Variants in SESN1 observed in about 807,000 individuals in gnomAD.
SESN1 encodes sestrin-1.
Under a neutral mutation model 59.3 loss-of-function variants are expected in SESN1, and 30 were observed. The observed-to-expected ratio is 0.51, with a 90% CI of 0.38 to 0.69. SESN1 has a LOEUF of 0.69. Among genes scored for constraint, SESN1 ranks in the 30% least tolerant of loss-of-function variants. The pLI is 0.00. For missense variants in SESN1, 566 were observed against 673.0 expected, an observed-to-expected ratio of 0.84 and a Z score of 1.76; for synonymous variants, 197 against 219.9, an observed-to-expected ratio of 0.90 and a Z score of 0.92.
intron 2 of SESN1, 149 bp downstream of exon 2, chr6:109,002,127 CCA>C (rs917328896): frequency 1.6e-6 from 1 of 613,114 alleles, no homozygotes; most frequent in African/African-American, 1.9e-5. Context: ...CTTTTTATTC[CCA>C]CAGATTCACT....
intron 1 of SESN1, among the ~76,000 whole-genome samples, chr6:109,006,974 T>C (rs1318435677): frequency 6.6e-6 from 1 of 152,206 alleles, no homozygotes; most frequent in Non-Finnish European, 1.5e-5. Context: ...CACCAACAAA[T>C]GGCCTTGTTG....
chr6:109,021,685 G>A lies in SESN1; in HGVS notation c.280-19342C>T, dbSNP rs566666706. On this transcript the variant is annotated intron_variant, in intron 1 of 9. Coordinates refer to ENST00000436639, the MANE Select transcript of SESN1 (RefSeq NM_014454.3). ...TCGAACTCCTGACCTCAAGTGATCC[G>A]CCCGCCTTGGCCTCCTACTGGGATT... Among the ~76,000 whole-genome samples the A allele has an allele frequency of 5.9e-5, 9 of 151,992 alleles. No homozygotes were observed. In the South Asian group the frequency reaches 1.5e-3, roughly 25 times the overall value.
intron 1 of SESN1, among the ~76,000 whole-genome samples, chr6:109,032,626 A>T (rs1305457606): frequency 7.1e-6 from 1 of 141,452 alleles, no homozygotes; most frequent in Non-Finnish European, 1.5e-5. Flanking sequence ...TCGTGGGGGG[A>T]GTGGGGGGGA....
chr6:109,017,723 T>C (rs1362575843), intron 1 of SESN1, among the ~76,000 whole-genome samples: 1 of 152,196 alleles, frequency 6.6e-6, no homozygotes, highest in Non-Finnish European at 1.5e-5. Flanking sequence ...AAGCATTAAA[T>C]AGAGGGTCAT....
intron 1 of SESN1, among the ~76,000 whole-genome samples, chr6:109,012,480 CA>C (rs1292792305): frequency 6.6e-6 from 1 of 152,132 alleles, no homozygotes; most frequent in Non-Finnish European, 1.5e-5. Flanking sequence ...TTCTGAAGAG[CA>C]AGCTGATAAT....
At chr6:109,074,762 T>C (rs1781002731) in intron 1 of SESN1, among the ~76,000 whole-genome samples, 1 of 152,186 alleles carries the variant, frequency 6.6e-6, no homozygotes, top group Non-Finnish European at 1.5e-5. Flanking sequence ...CCTCAAATCA[T>C]AGACACAGAA....
chr6:109,035,806 C>T (rs1245057043), intron 1 of SESN1, among the ~76,000 whole-genome samples: 1 of 152,214 alleles, frequency 6.6e-6, no homozygotes, highest in South Asian at 2.1e-4. Flanking sequence ...TGGAGTCTTG[C>T]TATGTTACTT....
chr6:109,014,928 T>C (rs1046598553), intron 1 of SESN1, among the ~76,000 whole-genome samples: 13 of 152,216 alleles, frequency 8.5e-5, no homozygotes, highest in African/African-American at 3.1e-4. Context: ...TTTATTTAGT[T>C]TGTCTCAATA....
At chr6:109,074,573 A>C (rs1398485351) in intron 1 of SESN1, among the ~76,000 whole-genome samples, 1 of 152,204 alleles carries the variant, frequency 6.6e-6, no homozygotes, top group Non-Finnish European at 1.5e-5. Context: ...TTATAAAGTG[A>C]AAAAAGACAA....
Position 108,987,464 on chromosome 6 carries a change from G to C in SESN1, c.*80C>G. On this transcript the variant is annotated 3_prime_UTR_variant, in exon 10 of 10. Transcript: ENST00000436639. ...TTTCTGAATTATTTTGTCTACCATTGGTCCTGGGGCTTAGTACCTTCCCCC... is the reference window on the plus strand; with the variant it reads ...TTTCTGAATTATTTTGTCTACCATTCGTCCTGGGGCTTAGTACCTTCCCCC... 2 of 665,122 alleles carry C rather than the reference G, an allele frequency of 3.0e-6. No individual in the cohort carries two copies. Among genetic ancestry groups the C allele is most frequent in the Non-Finnish European group, 5.2e-6 (2 of 387,850 alleles). The allele number at this position is 665,122 out of a possible 1,614,324, so 41.2% of individuals were successfully genotyped here.
chr6:109,079,567 A>G (rs1337611300), intron 1 of SESN1, among the ~76,000 whole-genome samples: 1 of 152,208 alleles, frequency 6.6e-6, no homozygotes, highest in Non-Finnish European at 1.5e-5. Flanking sequence ...GAAAATCTCA[A>G]TGAGGTATTT....
intron 1 of SESN1, among the ~76,000 whole-genome samples, chr6:109,019,183 CA>C (rs1391615429): frequency 6.6e-6 from 1 of 152,038 alleles, no homozygotes; most frequent in Non-Finnish European, 1.5e-5. Context: ...GAAATTAAAA[CA>C]TTTTTTACAC....
At chr6:109,093,056 A>T (rs1423450012) in intron 1 of SESN1, among the ~76,000 whole-genome samples, 1 of 151,958 alleles carries the variant, frequency 6.6e-6, no homozygotes, top group Admixed American at 6.6e-5. Context: ...CTAAAAACTT[A>T]AAAAAAAGTA....
At chr6:109,012,053 G>A (rs1412551734) in intron 1 of SESN1, among the ~76,000 whole-genome samples, 1 of 152,118 alleles carries the variant, frequency 6.6e-6, no homozygotes, top group East Asian at 1.9e-4. Flanking sequence ...ATGTTCTGAA[G>A]GTGCTGCTCC....
intron 8 of SESN1, 149 bp from the exon 9 acceptor site, chr6:108,988,836 A>C: frequency 1.7e-6 from 1 of 586,852 alleles, no homozygotes; most frequent in South Asian, 2.5e-5. Context: ...TTATAACTGC[A>C]GATGAATAAG....
At chr6:109,085,253 C>T (rs1034736302) in intron 1 of SESN1, among the ~76,000 whole-genome samples, 16 of 152,130 alleles carry the variant, frequency 1.1e-4, no homozygotes, top group Non-Finnish European at 1.2e-4. Flanking sequence ...GGCGCAGCGG[C>T]TTATGCCTGT....
At chr6:109,006,280 A>G (rs73518334) in intron 1 of SESN1, among the ~76,000 whole-genome samples, 1 of 152,194 alleles carries the variant, frequency 6.6e-6, no homozygotes, top group Non-Finnish European at 1.5e-5. Flanking sequence ...AGCATAACTG[A>G]TGAAAGCCCT....
Position 109,001,413 on chromosome 6 carries a change from C to G in SESN1, c.421G>C (p.Asp141His). 4 of 1,613,798 alleles carry G rather than the reference C, an allele frequency of 2.5e-6. No homozygotes were observed. The highest frequency in any genetic ancestry group is 3.4e-6 in the Non-Finnish European group (4 of 1,179,800). Residue 141 changes from aspartate to histidine, a missense_variant, in exon 3 of 10, where the codon GAT becomes CAT. Coordinates refer to ENST00000436639, the MANE Select transcript of SESN1 (RefSeq NM_014454.3). ...ADSFAALGRLDNITLVMVFHP... is the reference protein window; with the variant it reads ...ADSFAALGRLHNITLVMVFHP... ...AAAACCATCACTAACGTAATGTTAT[C>G]CAAACGGCCCAAAGCAGCAAAAGAA...
intron 1 of SESN1, among the ~76,000 whole-genome samples, chr6:109,028,778 C>G (rs986517193): frequency 6.6e-6 from 1 of 152,118 alleles, no homozygotes; most frequent in East Asian, 1.9e-4. Flanking sequence ...GACTGGGTCA[C>G]GAAAGCAGTG....
Sources: gnomAD v4.1 joint callset for allele counts (sites outside exome capture counted in the v4.1 genomes callset) on GRCh38, gnomAD v4.1.1 for gene constraint, MANE v1.5 for transcripts, NCBI Gene and HGNC (gene_info 2026-07-23, HGNC 2026-07-21) for gene names.